Variants in TLL1 observed in about 807,000 individuals in gnomAD.
TLL1 encodes the protein tolloid like 1.
Under a neutral mutation model 128.2 loss-of-function variants are expected in TLL1, and 49 were observed. The ratio of observed to expected loss-of-function variants is 0.38; its 90% CI spans 0.30 to 0.48. The LOEUF (loss-of-function observed/expected upper bound fraction) is 0.48. TLL1 is among the 20% of genes least tolerant of loss of function. The pLI is 0.96. For missense variants in TLL1, 1,123 were observed against 1,242.0 expected (o/e 0.90, Z 1.44); for synonymous variants, 454 against 418.8 (o/e 1.08, Z -1.03).
chr4:165,983,969 G>A (rs1473457747), intron 1 of TLL1, among the ~76,000 whole-genome samples: 1 of 151,738 alleles, frequency 6.6e-6, no homozygotes, highest in Non-Finnish European at 1.5e-5. Context: ...CTTTTTAATT[G>A]TAGATTAGAT....
chr4:166,072,016 C>A (rs149558173), intron 16 of TLL1, among the ~76,000 whole-genome samples: 60 of 152,008 alleles, frequency 3.9e-4, no homozygotes, highest in African/African-American at 1.2e-3. Flanking sequence ...TTTGAGTATT[C>A]CAATGATTTC....
chr4:165,919,529 T>C (rs767569812), intron 1 of TLL1, among the ~76,000 whole-genome samples: 2 of 152,114 alleles, frequency 1.3e-5, no homozygotes, highest in African/African-American at 4.8e-5. Flanking sequence ...ATAGTATATA[T>C]ATAATTAACT....
At chr4:166,098,673 C>A (rs138398825) in intron 19 of TLL1, among the ~76,000 whole-genome samples, 1 of 151,964 alleles carries the variant, frequency 6.6e-6, no homozygotes, top group African/African-American at 2.4e-5. Context: ...ATAAATATTT[C>A]TATCGAAGTA....
At chr4:166,069,500 T>C (rs1740715033) in intron 16 of TLL1, among the ~76,000 whole-genome samples, 1 of 151,736 alleles carries the variant, frequency 6.6e-6, no homozygotes, top group African/African-American at 2.4e-5. Flanking sequence ...ACTCTAGCTT[T>C]CTTTCAGTTA....
At chr4:165,944,818 A>G (rs1486555120) in intron 1 of TLL1, among the ~76,000 whole-genome samples, 8 of 152,108 alleles carry the variant, frequency 5.3e-5, no homozygotes, top group Non-Finnish European at 7.4e-5. Context: ...TTAAGGCTAC[A>G]CATTAGGGGT....
Position 165,925,207 on chromosome 4 carries a change from A to C in TLL1, c.169+51134A>C, listed in dbSNP as rs554652841. 7.2e-5 allele frequency among the ~76,000 whole-genome samples: 11 copies of C among 152,346 alleles called. 1 individual carries two copies. In the South Asian group the frequency reaches 2.1e-3, roughly 29 times the overall value. On this transcript the variant is annotated intron_variant, in intron 1 of 20. Coordinates refer to ENST00000061240, the MANE Select transcript of TLL1 (RefSeq NM_012464.5). ...CATTTTGTATGGCTATGGTTGCCATAAATAGTGATTCCTCTGATGGATTTG... is the reference window on the plus strand; with the variant it reads ...CATTTTGTATGGCTATGGTTGCCATCAATAGTGATTCCTCTGATGGATTTG...
chr4:165,891,135 C>T (rs138662933), intron 1 of TLL1, among the ~76,000 whole-genome samples: 39 of 152,208 alleles, frequency 2.6e-4, no homozygotes, highest in East Asian at 2.1e-3. Context: ...AGTGTTGAGA[C>T]GCACAGAGCA....
At chr4:165,928,252 T>C (rs990822910) in intron 1 of TLL1, among the ~76,000 whole-genome samples, 4 of 152,348 alleles carry the variant, frequency 2.6e-5, no homozygotes, top group African/African-American at 9.6e-5. Flanking sequence ...AACAATGTGC[T>C]CTAAGATTCA....
rs200810776 is a variant in TLL1, at chr4:165,892,548, G to GT, written c.169+18483dup. ...GGCTTCCTGAAAATATGCCATTAAT[G>GT]TTTTTTTTGAGTTAAGCATTGATCC... On this transcript the variant is annotated intron_variant, in intron 1 of 20. Transcript: ENST00000061240. Among the ~76,000 whole-genome samples the GT allele has an allele frequency of 2.8e-3, 430 of 151,808 alleles. 2 individuals carry two copies. The East Asian group carries it at 0.043, about 15-fold the overall frequency.
chr4:166,065,165 A>G (rs551264564), intron 15 of TLL1, among the ~76,000 whole-genome samples: 3 of 152,238 alleles, frequency 2.0e-5, no homozygotes, highest in Non-Finnish European at 2.9e-5. Context: ...TAGAATTCCT[A>G]TGTGTTTGCA....
At chr4:165,874,296 C>T (rs917908377) in intron 1 of TLL1, among the ~76,000 whole-genome samples, 7 of 152,272 alleles carry the variant, frequency 4.6e-5, no homozygotes, top group Admixed American at 6.5e-5. Context: ...CACTGCCAAG[C>T]TCCCATCTCC....
chr4:166,044,348 T>C (rs984614503), intron 12 of TLL1: 2 of 1,535,390 alleles, frequency 1.3e-6, no homozygotes, highest in Non-Finnish European at 1.7e-6. Flanking sequence ...GTCATGGTTG[T>C]GTGTCTGTAC....
rs374103935 is a variant in TLL1, at chr4:165,900,656, C to T, written c.169+26583C>T. On this transcript the variant is annotated intron_variant, in intron 1 of 20. Coordinates refer to ENST00000061240, the MANE Select transcript of TLL1 (RefSeq NM_012464.5). ...CGGATAACCCGATCTTTCTCTCTTG[C>T]TGCCCTTAACATTTTTTTCCGTCAT... Among the ~76,000 whole-genome samples, 16 of 144,112 alleles carry T rather than the reference C, an allele frequency of 1.1e-4. 1 individual carries two copies. The highest frequency in any genetic ancestry group is 5.3e-4 in the Admixed American group (7 of 13,258). 94.5% of individuals were successfully genotyped at this position (144,112 alleles called of 152,430 possible).
At chr4:166,068,192 A>G (rs1385346151) in intron 16 of TLL1, among the ~76,000 whole-genome samples, 1 of 151,766 alleles carries the variant, frequency 6.6e-6, no homozygotes, top group African/African-American at 2.4e-5. Context: ...AGTTTCTGTT[A>G]GTGGGAAAGA....
rs527246454 is a variant in TLL1 at position 165,903,499 on chromosome 4, G to A, written c.169+29426G>A. 1.1e-3 allele frequency among the ~76,000 whole-genome samples: 160 copies of A among 145,452 alleles called. 3 individuals are homozygous for A. The South Asian group carries it at 0.025, about 23-fold the overall frequency. ...ACAATCTTGGCTCACTGCAACCTGC[G>A]CCTCCTGGGTTCAAGCGATTCTTCT... On this transcript the variant is annotated intron_variant, in intron 1 of 20. Transcript: ENST00000061240.
In TLL1 at chr4:165,986,911, C is replaced by A. The variant is rs192747434; in HGVS notation, c.170-2470C>A. On this transcript the variant is annotated intron_variant, in intron 1 of 20. Transcript: ENST00000061240. The stretch of plus-strand genomic sequence containing the variant: ...AAAGTACATTTTGCTTAGTTGAGTG[C>A]CTCCGTTTTCAAGTCAACCATCTGA... Among the ~76,000 whole-genome samples, 872 of 152,100 alleles carry A rather than the reference C, an allele frequency of 5.7e-3. 3 individuals are homozygous for A. Among genetic ancestry groups the A allele is most frequent in the Non-Finnish European group, 9.2e-3 (625 of 67,982 alleles).
intron 1 of TLL1, among the ~76,000 whole-genome samples, chr4:165,943,503 C>A (rs1734111275): frequency 6.6e-6 from 1 of 151,832 alleles, no homozygotes; most frequent in Admixed American, 6.6e-5. Flanking sequence ...ATTAAATGCA[C>A]GTAAAAGAGA....
At chr4:166,054,636 A>G (rs773675396) in intron 12 of TLL1, among the ~76,000 whole-genome samples, 1 of 141,318 alleles carries the variant, frequency 7.1e-6, no homozygotes, top group Non-Finnish European at 1.5e-5. Flanking sequence ...TCATTGTTCA[A>G]TTCCCACCTA....
intron 18 of TLL1, among the ~76,000 whole-genome samples, chr4:166,081,173 C>T (rs1037591146): frequency 6.6e-6 from 1 of 152,072 alleles, no homozygotes; most frequent in Non-Finnish European, 1.5e-5. Flanking sequence ...GGCATTTGAT[C>T]CTGAATCCAG....
Sources: allele counts gnomAD v4.1 joint callset (sites outside exome capture counted in the v4.1 genomes callset), GRCh38; gene constraint gnomAD v4.1.1; transcripts MANE v1.5; gene names NCBI Gene and HGNC (gene_info 2026-07-23, HGNC 2026-07-21).